Variants in TTN observed in about 807,000 individuals in gnomAD.
TTN encodes the protein titin, also known as connectin.
TTN carries 1,525 observed loss-of-function variants against 3,223.0 expected under a neutral mutation model. That is an observed-to-expected ratio of 0.47 (90% CI 0.45 to 0.49). The LOEUF is 0.49. TTN is among the 20% of genes least tolerant of loss of function. The pLI is 0.00. For missense variants in TTN, 40,786 were observed against 43,424.0 expected, an observed-to-expected ratio of 0.94 and a Z score of 5.40; for synonymous variants, 14,094 against 15,161.0, an observed-to-expected ratio of 0.93 and a Z score of 5.17.
Position 178,568,422 on chromosome 2 carries a change from T to G in TTN, c.77710A>C (p.Ser25904Arg). ...PKGPVKFDDVSAESITLSWNP... is the reference protein window; with the variant it reads ...PKGPVKFDDVRAESITLSWNP... ...CAAGATAATGTAATACTTTCAGCAC[T>G]GACGTCATCAAATTTAACAGGTCCT... Residue 25904 changes from serine to arginine, a missense_variant, in exon 326 of 363, where the codon AGT (serine) becomes CGT (arginine). By Grantham distance (110) the Ser-to-Arg change is moderately radical. Coordinates refer to ENST00000589042, the MANE Select transcript of TTN (RefSeq NM_001267550.2). 1.2e-6 allele frequency: 2 copies of G among 1,613,272 alleles called. No individual in the cohort carries two copies. The highest frequency in any genetic ancestry group is 1.7e-6 in the Non-Finnish European group (2 of 1,179,552).
At chr2:178,584,245 A>G (rs375397069) in intron 311 of TTN, 31 bp downstream of exon 311, 675 of 1,527,010 alleles carry the variant, frequency 4.4e-4, no homozygotes, top group Non-Finnish European at 4.8e-4. Context: ...TACTAAAACA[A>G]CAACAACAAT....
Position 178,616,574 on chromosome 2 carries a change from G to A in TTN, c.48217C>T (p.His16073Tyr), listed in dbSNP as rs1343135130. The stretch of plus-strand genomic sequence containing the variant: ...TCATCAGGTGGTTCCCAAGTCAAAT[G>A]TACTGAGTCCTTGGTTATATCACCA... The part of the protein sequence containing the change: ...KFGDITKDSV[H>Y]LTWEPPDDDG... Residue 16073 changes from histidine to tyrosine, a missense_variant, in exon 257 of 363, where the codon CAT becomes TAT. Coordinates refer to ENST00000589042, the MANE Select transcript of TTN (RefSeq NM_001267550.2). 1 of 1,612,328 alleles carries A rather than the reference G, an allele frequency of 6.2e-7. No individual in the cohort carries two copies. The highest frequency in any genetic ancestry group is 1.3e-5 in the African/African-American group (1 of 74,900).
rs1368089730 is a variant in TTN at position 178,584,565 on chromosome 2, T to A, written c.64986A>T (p.Glu21662Asp). 2 of 1,612,014 alleles carry A rather than the reference T, an allele frequency of 1.2e-6. No individual in the cohort carries two copies. Among genetic ancestry groups the A allele is most frequent in the Admixed American group, 3.3e-5 (2 of 59,904 alleles). ...CTTTGGTGACTCGTGCATTCTTTGG[T>A]TCACTAGGAACACCTGGAGATGAAG... ...VAQFPFGVPS[E>D]PKNARVTKVN... Residue 21662 changes from glutamate (E) to aspartate (D), a missense_variant, in exon 311 of 363, where the codon GAA (glutamate) becomes GAT (aspartate). Glu to Asp is a conservative substitution (Grantham distance 45, BLOSUM62 2). Coordinates refer to ENST00000589042, the MANE Select transcript of TTN (RefSeq NM_001267550.2).
rs548209283 is a variant in TTN, at chr2:178,554,548, T to A, written c.88799A>T (p.Lys29600Ile). The A allele has an allele frequency of 5.6e-6, 9 of 1,613,906 alleles. 1 individual carries two copies. The highest frequency in any genetic ancestry group is 1.7e-4 in the Middle Eastern group (1 of 6,060). ...ECIITTTKII[K>I]GNEYIFRVRA... ...GACCCGGAAGATGTATTCATTTCCT[T>A]TGATAATTTTGGTGGTTGTAATGAT... Residue 29600 changes from lysine (K) to isoleucine (I), a missense_variant, in exon 332 of 363, where the codon AAA becomes ATA. Lys to Ile is a moderately radical substitution (Grantham distance 102, BLOSUM62 -3). Transcript: ENST00000589042.
chr2:178,599,678 C>G lies in TTN; in HGVS notation c.56223G>C (p.Leu18741=), dbSNP rs1333763035. The G allele has an allele frequency of 6.2e-7, 1 of 1,613,016 alleles. No individual in the cohort carries two copies. Among genetic ancestry groups the G allele is most frequent in the Non-Finnish European group, 8.5e-7 (1 of 1,179,366 alleles). Residue 18741 remains leucine, a synonymous_variant, in exon 289 of 363, where the codon CTG becomes CTC. Coordinates refer to ENST00000589042, the MANE Select transcript of TTN (RefSeq NM_001267550.2). The stretch of plus-strand genomic sequence containing the variant: ...CTAAAGTGCAAGTATCATCTACCAC[C>G]AGTTTGTTGACATGGGTGTCATAGA... ...PVLYDTHVNK[L]VVDDTCTLVI...
At position 178,749,431 on chromosome 2, in the gene TTN, C is replaced by T. The variant is rs779521233; in HGVS notation, c.11311+3693G>A. On this transcript the variant is annotated intron_variant, in intron 47 of 362. Transcript: ENST00000589042. ...TTTCTCTAGAAGGTATGCAACGCAC[C>T]TGCTCTTTCTGGTCTATTTGCTCAA... 3 of 1,613,048 alleles carry T rather than the reference C, an allele frequency of 1.9e-6. No individual in the cohort carries two copies. The South Asian group carries it at 3.3e-5, about 18-fold the overall frequency.
In TTN at chr2:178,652,507, C is replaced by G; in HGVS notation, c.39078G>C (p.Lys13026Asn). ...PEAPKEVVPE[K>N]KVPAAPPKKP... ...TTTTAGGAGGAGCCGCTGGCACTTT[C>G]TTTTCAGGAACAACTTCTTTCGGAG... is the stretch of plus-strand genomic sequence containing the variant. Residue 13026 changes from lysine (K) to asparagine (N), a missense_variant, in exon 202 of 363, where the codon AAG becomes AAC. By Grantham distance (94) the Lys-to-Asn change is moderately conservative (BLOSUM62 0). Coordinates refer to ENST00000589042, the MANE Select transcript of TTN (RefSeq NM_001267550.2). 1 of 1,613,580 alleles carries G rather than the reference C, an allele frequency of 6.2e-7. No individual in the cohort carries two copies. Among genetic ancestry groups the G allele is most frequent in the Non-Finnish European group, 8.5e-7 (1 of 1,179,648 alleles).
chr2:178,539,744 T>A lies in TTN; in HGVS notation c.98321A>T (p.Asp32774Val). ...GCCACATTTATTTTCCAGAACCAGG[T>A]CATAAGTGCCAGAATCACCCCTGTC... ...EADRGDSGTY[D>V]LVLENKCGKK... The change falls in exon 352 of 363, where the codon GAC (aspartate) becomes GTC (valine). Residue 32774 changes from aspartate to valine, a missense_variant. Asp to Val is a radical substitution (Grantham distance 152, BLOSUM62 -3). Transcript: ENST00000589042. 1 of 1,613,796 alleles carries A rather than the reference T, an allele frequency of 6.2e-7. No individual in the cohort carries two copies. Among genetic ancestry groups the A allele is most frequent in the Non-Finnish European group, 8.5e-7 (1 of 1,179,780 alleles).
At chr2:178,737,033 T>C (rs866203880) in intron 49 of TTN, among the ~76,000 whole-genome samples, 66 of 151,930 alleles carry the variant, frequency 4.3e-4, no homozygotes, top group African/African-American at 1.5e-3. Flanking sequence ...CCTCTACCCC[T>C]GTCCTCAAAC....
Position 178,612,592 on chromosome 2 carries a change from G to A in TTN, c.49949-16C>T. The stretch of plus-strand genomic sequence containing the variant: ...GATGGAGGATCTGAAAAAGAAGGAA[G>A]GAAAACAAATTCATTTTTTTTTTTA... On this transcript the variant is annotated splice_polypyrimidine_tract_variant and intron_variant, in intron 265 of 362. Coordinates refer to ENST00000589042, the MANE Select transcript of TTN (RefSeq NM_001267550.2). 1 of 1,580,512 alleles carries A rather than the reference G, an allele frequency of 6.3e-7. No homozygotes were observed. The highest frequency in any genetic ancestry group is 8.5e-7 in the Non-Finnish European group (1 of 1,172,704).
In TTN at chr2:178,557,897, C is replaced by T. The variant is rs1409902738; in HGVS notation, c.87457G>A (p.Glu29153Lys). 2 of 1,613,678 alleles carry T rather than the reference C, an allele frequency of 1.2e-6. No individual in the cohort carries two copies. The highest frequency in any genetic ancestry group is 8.5e-7 in the Non-Finnish European group (1 of 1,179,850). Residue 29153 changes from glutamate (E) to lysine (K), a missense_variant, in exon 328 of 363, where the codon GAA (glutamate) becomes AAA (lysine). Transcript: ENST00000589042. ...GPVVISDITE[E>K]SVTLKWEPPK... ...GGCTCCCATTTGAGAGTCACACTTT[C>T]TTCAGTTATATCACTAATAACAACA... is the stretch of plus-strand genomic sequence containing the variant.
At position 178,553,201 on chromosome 2, in the gene TTN, G is replaced by C; in HGVS notation, c.89699C>G (p.Pro29900Arg). 1 of 1,613,846 alleles carries C rather than the reference G, an allele frequency of 6.2e-7. No individual in the cohort carries two copies. Among genetic ancestry groups the C allele is most frequent in the South Asian group, 1.1e-5 (1 of 91,082 alleles). The change falls in exon 335 of 363, where the codon CCT (proline) becomes CGT (arginine). Residue 29900 changes from proline to arginine, a missense_variant. Physicochemically the swap from Pro to Arg is moderately radical, Grantham distance 103. Coordinates refer to ENST00000589042, the MANE Select transcript of TTN (RefSeq NM_001267550.2). Reference protein sequence around the residue: ...NTDSSSLLTIPQVTRNDTGKY... With the variant: ...NTDSSSLLTIRQVTRNDTGKY... The stretch of plus-strand genomic sequence containing the variant: ...TCCTGTATCATTGCGAGTAACTTGA[G>C]GAATGGTGAGTAATGAGGATGAATC...
In TTN at chr2:178,560,081, G is replaced by A. The variant is rs1703079044; in HGVS notation, c.86051C>T (p.Thr28684Ile). Residue 28684 changes from threonine (T) to isoleucine (I), a missense_variant, in exon 326 of 363, where the codon ACT becomes ATT. Thr to Ile is a moderately conservative substitution (Grantham distance 89). Transcript: ENST00000589042. ...KPLFDGGAPI[T>I]GYTVEYKKSD... is the part of the protein sequence containing the mutation. ...TTTTTTGTATTCTACAGTATATCCA[G>A]TTATCGGGGCCCCACCATCAAACAG... 1.2e-6 allele frequency: 2 copies of A among 1,613,626 alleles called. No individual in the cohort carries two copies. The highest frequency in any genetic ancestry group is 2.2e-5 in the South Asian group (2 of 91,074).
At position 178,559,657 on chromosome 2, in the gene TTN, T is replaced by C. The variant is rs1336646208; in HGVS notation, c.86475A>G (p.Leu28825=). 1 of 1,613,320 alleles carries C rather than the reference T, an allele frequency of 6.2e-7. No individual in the cohort carries two copies. Among genetic ancestry groups the C allele is most frequent in the Admixed American group, 1.7e-5 (1 of 59,954 alleles). ...ANRNDSGKYT[L]TIQNVLSAAS... is the part of the protein sequence containing the mutation. ...CAGCACTCAAAACATTCTGAATTGT[T>C]AATGTGTACTTTCCAGAGTCATTTC... Residue 28825 remains leucine (L), a synonymous_variant, in exon 326 of 363, where the codon TTA becomes TTG. Coordinates refer to ENST00000589042, the MANE Select transcript of TTN (RefSeq NM_001267550.2).
At chr2:178,801,698 G>A (rs77690739) in intron 3 of TTN, among the ~76,000 whole-genome samples, 6,889 of 152,126 alleles carry the variant, frequency 0.045, 290 homozygotes, top group Admixed American at 0.14. Context: ...TTTCTTCTGG[G>A]TATGTTTACA....
In TTN at chr2:178,633,512, G is replaced by A. The variant is rs199684560; in HGVS notation, c.42847C>T (p.Arg14283Cys). The change falls in exon 232 of 363, where the codon CGC becomes TGC. Residue 14283 changes from arginine to cysteine, a missense_variant. Physicochemically the swap from Arg to Cys is radical, Grantham distance 180. Coordinates refer to ENST00000589042, the MANE Select transcript of TTN (RefSeq NM_001267550.2). ...PKYSIKADGL[R>C]RILKIKKADL... ...GCCTTTTTGATTTTTAAGATGCGGC[G>A]CAGGCCATCTGCCTTGATAGAATAT... is the stretch of plus-strand genomic sequence containing the variant. The A allele has an allele frequency of 5.2e-5, 84 of 1,613,240 alleles. No individual in the cohort carries two copies. The highest frequency in any genetic ancestry group is 6.7e-5 in the Non-Finnish European group (79 of 1,179,578).
Position 178,566,622 on chromosome 2 carries a change from T to C in TTN, c.79510A>G (p.Ile26504Val), listed in dbSNP as rs200301756. 9.9e-6 allele frequency: 16 copies of C among 1,612,642 alleles called. No individual in the cohort carries two copies. Among genetic ancestry groups the C allele is most frequent in the Non-Finnish European group, 1.0e-5 (12 of 1,179,664 alleles). Residue 26504 changes from isoleucine (I) to valine (V), a missense_variant, in exon 326 of 363, where the codon ATC becomes GTC. Ile to Val is a conservative substitution (Grantham distance 29). Coordinates refer to ENST00000589042, the MANE Select transcript of TTN (RefSeq NM_001267550.2). ...AHIVDTTKNSITLAWGKPIYD... is the reference protein window; with the variant it reads ...AHIVDTTKNSVTLAWGKPIYD... ...ATGGGTTTACCCCAGGCAAGTGTGA[T>C]TGAATTTTTAGTGGTGTCTACAATG...
In TTN at chr2:178,769,662, TA is replaced by T. The variant is rs570467105; in HGVS notation, c.8902+16del. On this transcript the variant is annotated intron_variant, in intron 37 of 362. Transcript: ENST00000589042. ...TTATATATATGTGTATATATATATA[TA>T]TATTTTTTAACTTACGGGTGACTGT... 227,382 of 1,576,604 alleles carry T rather than the reference TA, an allele frequency of 0.14. 20,100 individuals are homozygous for T. The highest frequency in any genetic ancestry group is 0.45 in the East Asian group (19,900 of 43,948).
Position 178,605,054 on chromosome 2 carries a change from G to A in TTN, c.54123C>T (p.Gly18041=). 1 of 1,612,164 alleles carries A rather than the reference G, an allele frequency of 6.2e-7. No homozygotes were observed. ...SIPKAVREDK[G]TYTVTASNRL... Reference sequence around the variant, plus strand: ...GATTGGAAGCAGTAACTGTGTAAGTGCCTTTGTCCTCCCGGACCGCTTTGG... The same window carrying A: ...GATTGGAAGCAGTAACTGTGTAAGTACCTTTGTCCTCCCGGACCGCTTTGG... The change falls in exon 280 of 363, where the codon GGC becomes GGT. Residue 18041 remains glycine, a synonymous_variant. Coordinates refer to ENST00000589042, the MANE Select transcript of TTN (RefSeq NM_001267550.2).
Sources: allele counts gnomAD v4.1 joint callset (sites outside exome capture counted in the v4.1 genomes callset), GRCh38; gene constraint gnomAD v4.1.1; transcripts MANE v1.5; gene names NCBI Gene and HGNC (gene_info 2026-07-23, HGNC 2026-07-21).